MINDY4B: variants seen among roughly 807,000 people sequenced by gnomAD.
MINDY4B encodes the protein inactive ubiquitin carboxyl-terminal hydrolase MINDY-4B.
MINDY4B carries 25 observed loss-of-function variants against 16.7 expected under a neutral mutation model. The observed-to-expected ratio is 1.49, with a 90% confidence interval of 1.09 to 2.09. The LOEUF is 2.09. Ranked by LOEUF, MINDY4B falls within the 30% of genes most tolerant of loss-of-function variation. The probability of loss-of-function intolerance (pLI) is 0.00; values close to 1 mark genes in which losing one functional copy is unlikely to be tolerated. For synonymous variants in MINDY4B, 132 were observed against 61.9 expected (o/e 2.13, Z -5.32); for missense variants, 327 against 168.4 (o/e 1.94, Z -5.21).
chr3:150,872,124 A>T (rs1470772708), intron 11 of MINDY4B, among the ~76,000 whole-genome samples: 1 of 152,232 alleles, frequency 6.6e-6, no homozygotes, highest in African/African-American at 2.4e-5. Flanking sequence ...TTACGGGTTA[A>T]TGCCTGTGAG....
chr3:150,875,825 C>T (rs144284200), intron 10 of MINDY4B, among the ~76,000 whole-genome samples: 1 of 152,280 alleles, frequency 6.6e-6, no homozygotes, highest in Non-Finnish European at 1.5e-5. Flanking sequence ...CTTAAGATTA[C>T]AGTTGAGAAC....
chr3:150,876,996 A>G (rs7645329), intron 10 of MINDY4B, among the ~76,000 whole-genome samples: 5,000 of 152,238 alleles, frequency 0.033, 279 homozygotes, highest in African/African-American at 0.11. Flanking sequence ...TGCAGGAACC[A>G]TCAGTCTGGT....
At chr3:150,880,354 C>T (rs1030174027) in intron 10 of MINDY4B, among the ~76,000 whole-genome samples, 7 of 150,022 alleles carry the variant, frequency 4.7e-5, no homozygotes, top group Admixed American at 6.6e-5. Flanking sequence ...TGCGCACACG[C>T]GCCCATTGGT....
intron 8 of MINDY4B, among the ~76,000 whole-genome samples, chr3:150,884,930 C>A (rs1297588437): frequency 6.6e-6 from 1 of 152,186 alleles, no homozygotes; most frequent in African/African-American, 2.4e-5. Context: ...TCTTTCCCAG[C>A]CTGGACTCTG....
At chr3:150,876,430 G>A (rs1242167339) in intron 10 of MINDY4B, among the ~76,000 whole-genome samples, 5 of 152,168 alleles carry the variant, frequency 3.3e-5, no homozygotes, top group South Asian at 2.1e-4. Context: ...TGTTTGAAAC[G>A]TTGTGCTTTC....
chr3:150,880,475 G>GA (rs1185142781), intron 10 of MINDY4B, among the ~76,000 whole-genome samples: 1 of 152,038 alleles, frequency 6.6e-6, no homozygotes, highest in Admixed American at 6.6e-5. Context: ...TATGTATTAG[G>GA]AAAAAAAATC....
chr3:150,880,844 G>A (rs1357302556), intron 10 of MINDY4B, among the ~76,000 whole-genome samples: 2 of 152,116 alleles, frequency 1.3e-5, no homozygotes, highest in Non-Finnish European at 2.9e-5. Flanking sequence ...GCTATAGAAT[G>A]TTAGACCACG....
At chr3:150,904,946 A>T (rs1190405614) in intron 2 of MINDY4B, 116 bp downstream of exon 2, 1 of 397,802 alleles carries the variant, frequency 2.5e-6, no homozygotes, top group African/African-American at 2.1e-5. Context: ...TCACGCGTTA[A>T]ATGCCAGTGC....
intron 7 of MINDY4B, among the ~76,000 whole-genome samples, chr3:150,887,189 C>T (rs1232410417): frequency 1.3e-5 from 2 of 152,150 alleles, no homozygotes; most frequent in Non-Finnish European, 2.9e-5. Flanking sequence ...TGTCTGATAA[C>T]AGAGAAGGCT....
rs141758998 is a variant in MINDY4B at position 150,871,050 on chromosome 3, A to G, written c.1378T>C (p.Phe460Leu). The change falls in exon 12 of 12, where the codon TTC becomes CTC. Residue 460 changes from phenylalanine to leucine, a missense_variant. Coordinates refer to ENST00000465419, the MANE Select transcript of MINDY4B (RefSeq NM_001351281.2). ...TINWNGTVPF[F>L] ...TTGCACAGCCTAGTTTCCCTTTAGAAGAAGGGAACGGTCCCATTCCAGTTG... is the reference window on the plus strand; with the variant it reads ...TTGCACAGCCTAGTTTCCCTTTAGAGGAAGGGAACGGTCCCATTCCAGTTG... 5.4e-5 allele frequency: 38 copies of G among 702,792 alleles called. No individual in the cohort carries two copies. Among genetic ancestry groups the G allele is most frequent in the South Asian group, 8.9e-5 (6 of 67,578 alleles). 43.5% of individuals were successfully genotyped at this position (702,792 alleles called of 1,614,324 possible).
chr3:150,882,435 C>T (rs1397789905), intron 10 of MINDY4B, among the ~76,000 whole-genome samples: 1 of 151,606 alleles, frequency 6.6e-6, no homozygotes, highest in South Asian at 2.1e-4. Flanking sequence ...AATATGTAGG[C>T]TGTGTGCATT....
intron 10 of MINDY4B, among the ~76,000 whole-genome samples, chr3:150,876,330 G>T (rs556399313): frequency 6.6e-6 from 1 of 152,090 alleles, no homozygotes; most frequent in Non-Finnish European, 1.5e-5. Context: ...ATGCTGTCTA[G>T]AACAATGGCG....
chr3:150,895,583 G>A lies in MINDY4B; in HGVS notation c.310-1278C>T, dbSNP rs755398224. Among the ~76,000 whole-genome samples the A allele has an allele frequency of 3.3e-5, 5 of 152,324 alleles. No individual in the cohort carries two copies. In the South Asian group the frequency reaches 6.2e-4, roughly 19 times the overall value. On this transcript the variant is annotated intron_variant, in intron 3 of 11. Transcript: ENST00000465419. ...GGGTTCAAGTGATTCTCCTGCCTCA[G>A]TCTCCTGAGTAGCTGGGATTATAGG... is the stretch of plus-strand genomic sequence containing the variant.
In MINDY4B at chr3:150,871,060, G is replaced by C. The variant is rs116582492; in HGVS notation, c.1368C>G (p.Thr456=). 4.3e-6 allele frequency: 3 copies of C among 702,904 alleles called. No individual in the cohort carries two copies. The East Asian group carries it at 8.0e-5, about 19-fold the overall frequency. 43.5% of individuals were successfully genotyped at this position (702,904 alleles called of 1,614,324 possible). ...WSEATINWNG[T]VPFF is the part of the protein sequence containing the mutation. ...TAGTTTCCCTTTAGAAGAAGGGAAC[G>C]GTCCCATTCCAGTTGATGGTGGCCT... The change falls in exon 12 of 12, where the codon ACC becomes ACG. Residue 456 remains threonine, a synonymous_variant. Coordinates refer to ENST00000465419, the MANE Select transcript of MINDY4B (RefSeq NM_001351281.2).
intron 3 of MINDY4B, among the ~76,000 whole-genome samples, chr3:150,899,458 G>A (rs1712057885): frequency 6.6e-6 from 1 of 152,228 alleles, no homozygotes; most frequent in Non-Finnish European, 1.5e-5. Context: ...CCCTAGACCT[G>A]AAGGAGCACA....
rs868049471 is a variant in MINDY4B at position 150,893,700 on chromosome 3, G to C, written c.430-285C>G. ...TGCTTCATAGTAGTTTTTTTTTGGG[G>C]GGGGGGGTGGGGTGCAGTCTTGCTC... is the stretch of plus-strand genomic sequence containing the variant. On this transcript the variant is annotated intron_variant, in intron 4 of 11. Transcript: ENST00000465419. 8.8e-5 allele frequency among the ~76,000 whole-genome samples: 7 copies of C among 79,262 alleles called. No individual in the cohort carries two copies. In the South Asian group the frequency reaches 4.0e-3, roughly 46 times the overall value. 52.0% of individuals were successfully genotyped at this position (79,262 alleles called of 152,430 possible). A position where few individuals can be genotyped will look rare whatever the true frequency, so the allele number is the denominator to read the frequency against.
chr3:150,873,746 T>G (rs1459581415), intron 10 of MINDY4B, among the ~76,000 whole-genome samples: 4 of 152,182 alleles, frequency 2.6e-5, no homozygotes, highest in Non-Finnish European at 5.9e-5. Context: ...GACTAGCATA[T>G]CTGCTCCCAT....
chr3:150,902,378 G>T (rs1559969931), intron 3 of MINDY4B, among the ~76,000 whole-genome samples: 1 of 152,178 alleles, frequency 6.6e-6, no homozygotes, highest in Non-Finnish European at 1.5e-5. Context: ...TAGAAGATAG[G>T]GTGATGATGG....
chr3:150,876,833 C>T (rs1484289045), intron 10 of MINDY4B, among the ~76,000 whole-genome samples: 3 of 152,052 alleles, frequency 2.0e-5, no homozygotes, highest in African/African-American at 7.2e-5. Context: ...ATAATGTGAA[C>T]CTCCCAAGGC....
Sources: allele counts gnomAD v4.1 joint callset (sites outside exome capture counted in the v4.1 genomes callset), GRCh38; gene constraint gnomAD v4.1.1; transcripts MANE v1.5; gene names NCBI Gene and HGNC (gene_info 2026-07-23, HGNC 2026-07-21).